The following GALNTL6 variants were observed in gnomAD, a reference collection of about 807,000 sequenced individuals.
GALNTL6 encodes polypeptide N-acetylgalactosaminyltransferase like 6.
Under a neutral mutation model 73.7 loss-of-function variants are expected in GALNTL6, and 46 were observed. The observed-to-expected ratio is 0.62, with a 90% CI of 0.49 to 0.80. The LOEUF is 0.80. Ranked by LOEUF, GALNTL6 falls within the 30% of genes least tolerant of loss-of-function variation. GALNTL6 has a pLI of 0.00. For missense variants in GALNTL6, 604 were observed against 755.0 expected, an observed-to-expected ratio of 0.80 and a Z score of 2.34; for synonymous variants, 259 against 263.7, an observed-to-expected ratio of 0.98 and a Z score of 0.17.
intron 2 of GALNTL6, among the ~76,000 whole-genome samples, chr4:171,903,943 A>G (rs1737190825): frequency 6.6e-6 from 1 of 152,114 alleles, no homozygotes; most frequent in South Asian, 2.1e-4. Flanking sequence ...CCTCTCTGTT[A>G]GAAGGAAAAC....
intron 5 of GALNTL6, among the ~76,000 whole-genome samples, chr4:172,627,431 G>A (rs956442575): frequency 3.3e-5 from 5 of 151,916 alleles, no homozygotes; most frequent in East Asian, 1.9e-4. Flanking sequence ...TATGTTTATC[G>A]GGATGTTGGC....
intron 2 of GALNTL6, among the ~76,000 whole-genome samples, chr4:171,988,254 G>C (rs545943890): frequency 2.6e-4 from 40 of 152,164 alleles, no homozygotes; most frequent in Non-Finnish European, 5.1e-4. Context: ...TTCTTGTTTT[G>C]TAAGGGATTG....
chr4:172,526,832 A>AC (rs572025802), intron 5 of GALNTL6, among the ~76,000 whole-genome samples: 35 of 114,898 alleles, frequency 3.0e-4, no homozygotes, highest in African/African-American at 6.6e-4. Flanking sequence ...AAAATCTCCC[A>AC]CCCCCCCTGC....
At chr4:171,963,438 G>T (rs1175313225) in intron 2 of GALNTL6, among the ~76,000 whole-genome samples, 1 of 149,916 alleles carries the variant, frequency 6.7e-6, no homozygotes, top group East Asian at 2.0e-4. Flanking sequence ...AGTGGAATTT[G>T]CTTAAAGAGT....
intron 2 of GALNTL6, among the ~76,000 whole-genome samples, chr4:172,023,774 A>G (rs17057895): frequency 0.043 from 6,514 of 151,974 alleles, 257 homozygotes; most frequent in African/African-American, 0.1. Flanking sequence ...AGTAAGTTGT[A>G]TAGTCCTACC....
At chr4:172,913,468 C>T (rs943925082) in intron 8 of GALNTL6, among the ~76,000 whole-genome samples, 1 of 152,130 alleles carries the variant, frequency 6.6e-6, no homozygotes, top group African/African-American at 2.4e-5. Context: ...TGTTCGAGCC[C>T]ATTGCAAGGA....
At chr4:172,926,507 G>A (rs1156354971) in intron 8 of GALNTL6, among the ~76,000 whole-genome samples, 2 of 152,176 alleles carry the variant, frequency 1.3e-5, no homozygotes, top group Non-Finnish European at 2.9e-5. Context: ...AATAGGTTAA[G>A]GCCAGAAAAT....
chr4:172,024,143 G>A (rs1300031137), intron 2 of GALNTL6, among the ~76,000 whole-genome samples: 1 of 151,722 alleles, frequency 6.6e-6, no homozygotes, highest in Non-Finnish European at 1.5e-5. Flanking sequence ...TATTCCATTA[G>A]ATATTTAATT....
intron 10 of GALNTL6, among the ~76,000 whole-genome samples, chr4:172,966,514 C>T (rs1750332922): frequency 6.6e-6 from 1 of 152,160 alleles, no homozygotes; most frequent in Non-Finnish European, 1.5e-5. Context: ...CCTGCCTCAG[C>T]TTCCCAAGTA....
intron 5 of GALNTL6, among the ~76,000 whole-genome samples, chr4:172,610,440 A>C (rs2111047628): frequency 6.6e-6 from 1 of 152,114 alleles, no homozygotes; most frequent in African/African-American, 2.4e-5. Context: ...CCTTAATTGC[A>C]TTATTTACCC....
chr4:172,580,738 T>A (rs1433159453), intron 5 of GALNTL6, among the ~76,000 whole-genome samples: 2 of 152,174 alleles, frequency 1.3e-5, no homozygotes, highest in Non-Finnish European at 2.9e-5. Context: ...AATACATTAT[T>A]TAACTGTAGG....
chr4:172,861,858 G>C (rs1194031016), intron 7 of GALNTL6, among the ~76,000 whole-genome samples: 1 of 152,196 alleles, frequency 6.6e-6, no homozygotes, highest in Non-Finnish European at 1.5e-5. Flanking sequence ...GCCCAGCCAT[G>C]TGGAACTGTG....
Position 172,656,109 on chromosome 4 carries a change from G to A in GALNTL6, c.554-153252G>A, listed in dbSNP as rs530838101. Among the ~76,000 whole-genome samples, 11 of 152,240 alleles carry A rather than the reference G, an allele frequency of 7.2e-5. No individual in the cohort carries two copies. The East Asian group carries it at 1.7e-3, about 24-fold the overall frequency. The stretch of plus-strand genomic sequence containing the variant: ...GGCCAATACCATGGCACCAGCTTTC[G>A]AGAAAAGAAAAGCATTATTGAAAGT... On this transcript the variant is annotated intron_variant, in intron 5 of 12. Coordinates refer to ENST00000506823, the MANE Select transcript of GALNTL6 (RefSeq NM_001034845.3).
intron 2 of GALNTL6, among the ~76,000 whole-genome samples, chr4:171,993,374 A>C (rs1740394264): frequency 6.6e-6 from 1 of 151,394 alleles, no homozygotes; most frequent in Non-Finnish European, 1.5e-5. Flanking sequence ...CAATGCTAAC[A>C]GGACACATGT....
chr4:172,108,974 C>T (rs1732768864), intron 2 of GALNTL6, among the ~76,000 whole-genome samples: 1 of 136,648 alleles, frequency 7.3e-6, no homozygotes, highest in South Asian at 2.3e-4. Context: ...GATGGCACCA[C>T]TGCACTCCAG....
Position 171,950,622 on chromosome 4 carries a change from G to A in GALNTL6, c.138+135904G>A, listed in dbSNP as rs182831808. 4.6e-5 allele frequency among the ~76,000 whole-genome samples: 7 copies of A among 151,944 alleles called. No homozygotes were observed. The East Asian group carries it at 1.4e-3, about 29-fold the overall frequency. On this transcript the variant is annotated intron_variant, in intron 2 of 12. Coordinates refer to ENST00000506823, the MANE Select transcript of GALNTL6 (RefSeq NM_001034845.3). ...AGCCTCCCGAGTAGCTGGGACTACA[G>A]GCGGGCACCACCACGCCAGGCTAAT...
At chr4:172,983,524 G>T (rs28483480) in intron 10 of GALNTL6, among the ~76,000 whole-genome samples, 1 of 151,976 alleles carries the variant, frequency 6.6e-6, no homozygotes, top group East Asian at 1.9e-4. Flanking sequence ...GTGAAACCTT[G>T]TCTCTACAAA....
intron 10 of GALNTL6, among the ~76,000 whole-genome samples, chr4:172,982,604 T>G (rs1250342987): frequency 6.6e-6 from 1 of 152,172 alleles, no homozygotes. Flanking sequence ...GACAAGGGGT[T>G]GGAATCCCAG....
chr4:172,705,109 G>C (rs1184189968), intron 5 of GALNTL6, among the ~76,000 whole-genome samples: 1 of 151,108 alleles, frequency 6.6e-6, no homozygotes, highest in Non-Finnish European at 1.5e-5. Context: ...CATTTAACTG[G>C]GTCTTGTACT....
Sources: gnomAD v4.1 joint callset for allele counts (sites outside exome capture counted in the v4.1 genomes callset) on GRCh38, gnomAD v4.1.1 for gene constraint, MANE v1.5 for transcripts, NCBI Gene and HGNC (gene_info 2026-07-23, HGNC 2026-07-21) for gene names.